The following DPP10 variants were observed in gnomAD, a reference collection of about 807,000 sequenced individuals.
DPP10 encodes inactive dipeptidyl peptidase 10.
Under a neutral mutation model 120.9 loss-of-function variants are expected in DPP10, and 33 were observed. The observed-to-expected ratio is 0.27, with a 90% confidence interval of 0.21 to 0.37. The LOEUF is 0.37. Among genes scored for constraint, DPP10 ranks in the 10% least tolerant of loss-of-function variants. DPP10 has a pLI of 1.00. For missense variants in DPP10, 816 were observed against 942.8 expected, an observed-to-expected ratio of 0.87 and a Z score of 1.76; for synonymous variants, 337 against 326.1, an observed-to-expected ratio of 1.03 and a Z score of -0.36.
At chr2:115,253,162 C>G (rs1380699212) in intron 1 of DPP10, among the ~76,000 whole-genome samples, 4 of 151,976 alleles carry the variant, frequency 2.6e-5, no homozygotes, top group African/African-American at 7.2e-5. Context: ...AGAACAGGAG[C>G]AGGAGAGGGA....
chr2:115,028,957 A>C (rs1703657989), intron 1 of DPP10, among the ~76,000 whole-genome samples: 1 of 151,948 alleles, frequency 6.6e-6, no homozygotes, highest in Admixed American at 6.6e-5. Context: ...GTTTATAGTA[A>C]GGTAGGTTTC....
At chr2:115,445,594 T>A (rs1321219739) in intron 3 of DPP10, among the ~76,000 whole-genome samples, 1 of 152,142 alleles carries the variant, frequency 6.6e-6, no homozygotes, top group African/African-American at 2.4e-5. Flanking sequence ...GCCCTAGAGA[T>A]CTGTAGAACT....
intron 1 of DPP10, among the ~76,000 whole-genome samples, chr2:115,220,235 T>A (rs1008754120): frequency 1.3e-5 from 2 of 152,184 alleles, no homozygotes; most frequent in Non-Finnish European, 2.9e-5. Context: ...CCTGCTTCAT[T>A]TTATACACTC....
At chr2:115,064,595 G>A in intron 1 of DPP10, 1 of 1,212,004 alleles carries the variant, frequency 8.3e-7, no homozygotes, top group South Asian at 1.5e-5. Flanking sequence ...GTTGGACATA[G>A]GTGGGCACTG....
intron 1 of DPP10, among the ~76,000 whole-genome samples, chr2:115,285,083 T>C (rs543560237): frequency 4.6e-5 from 7 of 152,044 alleles, no homozygotes; most frequent in African/African-American, 1.7e-4. Flanking sequence ...CACAACACTC[T>C]GAAGTTGGTA....
rs536304108 is a variant in DPP10, at chr2:115,621,175, T to G, written c.442-68512T>G. Among the ~76,000 whole-genome samples the G allele has an allele frequency of 1.3e-4, 20 of 152,316 alleles. No individual in the cohort carries two copies. In the South Asian group the frequency reaches 3.9e-3, roughly 30 times the overall value. ...AGTTCTTGAGCATCTCTTCTTGAAT[T>G]AGAGCATAACAATTAACTTTTAAAT... On this transcript the variant is annotated intron_variant, in intron 5 of 25. Coordinates refer to ENST00000410059, the MANE Select transcript of DPP10 (RefSeq NM_020868.6).
At chr2:114,682,269 T>G (rs1219705088) in intron 1 of DPP10, among the ~76,000 whole-genome samples, 1 of 151,928 alleles carries the variant, frequency 6.6e-6, no homozygotes, top group East Asian at 1.9e-4. Context: ...ATTATGAATT[T>G]GAAATTAGCC....
chr2:115,696,891 C>T (rs558714856), intron 7 of DPP10, among the ~76,000 whole-genome samples: 1 of 151,906 alleles, frequency 6.6e-6, no homozygotes, highest in Non-Finnish European at 1.5e-5. Context: ...TTAGTTAATA[C>T]CTTTGGATGT....
intron 1 of DPP10, among the ~76,000 whole-genome samples, chr2:114,976,883 G>GGA (rs1481518032): frequency 2.6e-5 from 4 of 151,808 alleles, no homozygotes; most frequent in African/African-American, 9.7e-5. Context: ...TTTTCTACTT[G>GGA]GAGAGCATCA....
intron 1 of DPP10, among the ~76,000 whole-genome samples, chr2:114,704,807 T>C (rs1266275826): frequency 2.0e-5 from 3 of 152,122 alleles, no homozygotes; most frequent in Admixed American, 1.3e-4. Context: ...TCTGATATGA[T>C]TGAATTTGGA....
intron 1 of DPP10, among the ~76,000 whole-genome samples, chr2:115,297,715 C>G (rs2105958858): frequency 6.6e-6 from 1 of 152,194 alleles, no homozygotes; most frequent in Non-Finnish European, 1.5e-5. Context: ...TATGATCCTT[C>G]TGCTATGTTT....
intron 1 of DPP10, among the ~76,000 whole-genome samples, chr2:115,202,173 C>T (rs1318702295): frequency 6.6e-6 from 1 of 152,144 alleles, no homozygotes; most frequent in East Asian, 1.9e-4. Flanking sequence ...AAGGGATCCT[C>T]CTGCCTCAGC....
chr2:114,732,173 A>G (rs1376307980), intron 1 of DPP10, among the ~76,000 whole-genome samples: 1 of 152,206 alleles, frequency 6.6e-6, no homozygotes, highest in African/African-American at 2.4e-5. Context: ...CATAGCTATC[A>G]TGAGAGCTCC....
At chr2:114,659,530 TC>T (rs1381852363) in intron 1 of DPP10, among the ~76,000 whole-genome samples, 1 of 152,110 alleles carries the variant, frequency 6.6e-6, no homozygotes, top group Admixed American at 6.5e-5. Flanking sequence ...ATTTTTTTTT[TC>T]CTCAGAGTTT....
chr2:115,794,094 C>T (rs996996308), intron 19 of DPP10, among the ~76,000 whole-genome samples: 6 of 151,790 alleles, frequency 4.0e-5, no homozygotes, highest in African/African-American at 7.3e-5. Flanking sequence ...TTATTTTTTT[C>T]GCAAATGAGC....
intron 1 of DPP10, among the ~76,000 whole-genome samples, chr2:114,964,812 T>C (rs1404462849): frequency 6.6e-6 from 1 of 152,190 alleles, no homozygotes; most frequent in Non-Finnish European, 1.5e-5. Context: ...CTCAGTTTGT[T>C]ACATTGAGAA....
At chr2:115,425,343 T>G (rs988155143) in intron 3 of DPP10, among the ~76,000 whole-genome samples, 1 of 152,192 alleles carries the variant, frequency 6.6e-6, no homozygotes, top group African/African-American at 2.4e-5. Flanking sequence ...TATTGTGTAC[T>G]CTGCTAAAGT....
chr2:115,035,954 T>C lies in DPP10; in HGVS notation c.61-273285T>C, dbSNP rs1346722628. 2.0e-5 allele frequency among the ~76,000 whole-genome samples: 3 copies of C among 152,206 alleles called. No homozygotes were observed. The East Asian group carries it at 5.8e-4, about 29-fold the overall frequency. ...AGTTTTCCCACATAAAAGGGAGAGA[T>C]CAGTGAATCCCTTTATAAGATAAAA... On this transcript the variant is annotated intron_variant, in intron 1 of 25. Coordinates refer to ENST00000410059, the MANE Select transcript of DPP10 (RefSeq NM_020868.6).
intron 1 of DPP10, among the ~76,000 whole-genome samples, chr2:114,541,814 A>G: frequency 6.6e-6 from 1 of 152,164 alleles, no homozygotes; most frequent in East Asian, 1.9e-4. Flanking sequence ...AGGAAAGAGT[A>G]TAATACGATA....
Sources: allele counts gnomAD v4.1 joint callset (sites outside exome capture counted in the v4.1 genomes callset), GRCh38; gene constraint gnomAD v4.1.1; transcripts MANE v1.5; gene names NCBI Gene and HGNC (gene_info 2026-07-23, HGNC 2026-07-21).